MDN1: variants seen among roughly 807,000 people sequenced by gnomAD.
MDN1 encodes midasin.
A neutral mutation model predicts 669.2 loss-of-function variants in MDN1; 266 were observed. The ratio of observed to expected loss-of-function variants is 0.40; its 90% confidence interval spans 0.36 to 0.44. MDN1 has a LOEUF of 0.44. MDN1 is among the 20% of genes least tolerant of loss of function. MDN1 has a pLI of 1.00. For synonymous variants in MDN1, 2,385 were observed against 2,457.1 expected, an observed-to-expected ratio of 0.97 and a Z score of 0.87; for missense variants, 5,940 against 6,754.0, an observed-to-expected ratio of 0.88 and a Z score of 4.22.
chr6:89,645,036 T>A lies in MDN1; in HGVS notation c.16581A>T (p.Val5527=). The part of the protein sequence containing the change: ...RNANIFVIFV[V]LDNPSSRDSI... ...TCACCCGTGAACTGGGATTGTCCAATACAACAAAGATGACAAAGATATTTG... is the reference window on the plus strand; with the variant it reads ...TCACCCGTGAACTGGGATTGTCCAAAACAACAAAGATGACAAAGATATTTG... Residue 5527 remains valine (V), a synonymous_variant, in exon 101 of 102, where the codon GTA becomes GTT. Transcript: ENST00000369393. The A allele has an allele frequency of 6.2e-7, 1 of 1,605,744 alleles. No homozygotes were observed.
chr6:89,670,212 T>A (rs1810649019), intron 83 of MDN1, among the ~76,000 whole-genome samples: 1 of 138,696 alleles, frequency 7.2e-6, no homozygotes, highest in Non-Finnish European at 1.5e-5. Flanking sequence ...TTGCTCTTGT[T>A]GCCCAGGCTG....
chr6:89,815,125 C>G (rs1768730074), intron 1 of MDN1: 1 of 397,720 alleles, frequency 2.5e-6, no homozygotes, highest in African/African-American at 2.1e-5. Flanking sequence ...CTGCCCCTGA[C>G]CACTCAGCTA....
chr6:89,748,653 C>A (rs765586660), intron 26 of MDN1, among the ~76,000 whole-genome samples: 4 of 151,716 alleles, frequency 2.6e-5, no homozygotes, highest in Non-Finnish European at 4.4e-5. Flanking sequence ...CAATATTATA[C>A]ACAAATACAA....
intron 6 of MDN1, 69 bp downstream of exon 6, chr6:89,790,090 A>C (rs1443610276): frequency 6.2e-7 from 1 of 1,606,666 alleles, no homozygotes; most frequent in Non-Finnish European, 8.5e-7. Context: ...TTCCCTTAGC[A>C]AAAGCAATAT....
At chr6:89,734,385 T>C (rs1284489490) in intron 33 of MDN1, among the ~76,000 whole-genome samples, 4 of 151,410 alleles carry the variant, frequency 2.6e-5, no homozygotes, top group African/African-American at 9.7e-5. Flanking sequence ...AAGGATAAAA[T>C]AATGGATTTC....
chr6:89,811,693 C>G (rs1768430264), intron 1 of MDN1, among the ~76,000 whole-genome samples: 1 of 152,048 alleles, frequency 6.6e-6, no homozygotes, highest in African/African-American at 2.4e-5. Context: ...ATCTGCCCAC[C>G]TCAGCCTCCC....
At chr6:89,663,941 TA>T (rs10716065) in intron 85 of MDN1, among the ~76,000 whole-genome samples, 97,915 of 140,826 alleles carry the variant, frequency 0.7, 34,561 homozygotes, top group East Asian at 0.96. Flanking sequence ...GACTCCGTCT[TA>T]AAAAAAAAAA....
intron 2 of MDN1, among the ~76,000 whole-genome samples, chr6:89,796,707 C>A (rs990131198): frequency 5.3e-5 from 8 of 152,030 alleles, no homozygotes; most frequent in Non-Finnish European, 1.2e-4. Flanking sequence ...TTGCTGTGAG[C>A]CTAAAATGGC....
intron 11 of MDN1, 39 bp downstream of exon 11, chr6:89,780,173 C>CA (rs761793810): frequency 8.0e-7 from 1 of 1,248,568 alleles, no homozygotes; most frequent in South Asian, 1.5e-5. Flanking sequence ...AACAGCCTTA[C>CA]AGAACCAAGA....
At chr6:89,814,761 G>A (rs903823187) in intron 1 of MDN1, 29 of 398,138 alleles carry the variant, frequency 7.3e-5, no homozygotes, top group South Asian at 1.2e-4. Flanking sequence ...AGCAAGGAGC[G>A]GCAGCCTATG....
intron 1 of MDN1, among the ~76,000 whole-genome samples, chr6:89,804,962 G>A (rs1044886390): frequency 1.3e-4 from 19 of 150,784 alleles, no homozygotes; most frequent in South Asian, 2.1e-4. Context: ...TGTGAACCCC[G>A]GGAGGCGGAG....
At chr6:89,813,547 C>G (rs1456071381) in intron 1 of MDN1, among the ~76,000 whole-genome samples, 1 of 129,584 alleles carries the variant, frequency 7.7e-6, no homozygotes, top group African/African-American at 2.8e-5. Context: ...CAGACTCTGT[C>G]TCAAAAAAAA....
At chr6:89,782,943 T>G (rs1233701226) in intron 9 of MDN1, among the ~76,000 whole-genome samples, 2 of 152,216 alleles carry the variant, frequency 1.3e-5, no homozygotes, top group South Asian at 4.1e-4. Context: ...CTGTCTTTAA[T>G]CTCTTAATCC....
intron 3 of MDN1, 80 bp downstream of exon 3, chr6:89,794,497 C>T: frequency 7.4e-7 from 1 of 1,348,158 alleles, no homozygotes; most frequent in Non-Finnish European, 1.0e-6. Flanking sequence ...GGTTTCCTTT[C>T]CCTCCTGACA....
At chr6:89,704,469 T>A (rs887443980) in intron 53 of MDN1, among the ~76,000 whole-genome samples, 2 of 152,252 alleles carry the variant, frequency 1.3e-5, no homozygotes. Context: ...TGTGACTTTT[T>A]ACTTATTTAT....
chr6:89,719,455 C>A (rs929397648), intron 40 of MDN1, among the ~76,000 whole-genome samples: 1 of 152,186 alleles, frequency 6.6e-6, no homozygotes, highest in Admixed American at 6.5e-5. Flanking sequence ...TCCAAACTAT[C>A]TGAGATTCCA....
chr6:89,770,128 G>A (rs535191650), intron 15 of MDN1, among the ~76,000 whole-genome samples: 9 of 152,000 alleles, frequency 5.9e-5, no homozygotes, highest in East Asian at 1.9e-4. Flanking sequence ...TTAAGAGGCC[G>A]GGTGCAGTGG....
At chr6:89,744,005 A>G (rs562637735) in intron 29 of MDN1, among the ~76,000 whole-genome samples, 1 of 150,260 alleles carries the variant, frequency 6.7e-6, no homozygotes, top group East Asian at 2.0e-4. Flanking sequence ...TGGGAGGCTG[A>G]GGCAGGAGAA....
In MDN1 at chr6:89,772,557, T is replaced by G; in HGVS notation, c.2083+16A>C. ...GTGAAATATCTGGGGGCAGATTTAT[T>G]TCCTCTAGGGATTACCTGTAATGTG... On this transcript the variant is annotated intron_variant, in intron 14 of 101. Transcript: ENST00000369393. 1.2e-6 allele frequency: 2 copies of G among 1,603,884 alleles called. No individual in the cohort carries two copies. Among genetic ancestry groups the G allele is most frequent in the Non-Finnish European group, 8.5e-7 (1 of 1,175,428 alleles).
Sources: gnomAD v4.1 joint callset for allele counts (sites outside exome capture counted in the v4.1 genomes callset) on GRCh38, gnomAD v4.1.1 for gene constraint, MANE v1.5 for transcripts, NCBI Gene and HGNC (gene_info 2026-07-23, HGNC 2026-07-21) for gene names.